Variants in PPP4C observed in about 807,000 individuals in gnomAD.
PPP4C encodes the protein serine/threonine-protein phosphatase 4 catalytic subunit.
Under a neutral mutation model 40.5 loss-of-function variants are expected in PPP4C, and 10 were observed. That is an observed-to-expected ratio of 0.25 (90% CI 0.15 to 0.42). The LOEUF (loss-of-function observed/expected upper bound fraction) is 0.42, where lower values mean the gene tolerates loss of function less well. Among genes scored for constraint, PPP4C ranks in the 10% least tolerant of loss-of-function variants. PPP4C has a pLI of 1.00. For missense variants in PPP4C, 191 were observed against 416.4 expected, an observed-to-expected ratio of 0.46 and a Z score of 4.71; for synonymous variants, 187 against 163.6, an observed-to-expected ratio of 1.14 and a Z score of -1.09.
intron 7 of PPP4C, 31 bp from the exon 8 acceptor site, chr16:30,084,635 A>C: frequency 6.3e-7 from 1 of 1,598,922 alleles, no homozygotes; most frequent in Non-Finnish European, 8.6e-7. Flanking sequence ...GCCTGAGGAC[A>C]TCCCTCTCCA....
At chr16:30,082,445 C>T (rs2072528363) in intron 3 of PPP4C, 39 bp from the exon 4 acceptor site, 1 of 1,586,914 alleles carries the variant, frequency 6.3e-7, no homozygotes, top group Non-Finnish European at 8.7e-7. Context: ...TGGCAACTCC[C>T]ACTGCTTGAG....
chr16:30,081,122 T>G, intron 2 of PPP4C, 137 bp from the exon 3 acceptor site: 2 of 1,235,774 alleles, frequency 1.6e-6, no homozygotes, highest in Non-Finnish European at 2.3e-6. Flanking sequence ...TCAGCCTGTT[T>G]TGGGGAGACT....
chr16:30,083,853 C>T lies in PPP4C; in HGVS notation c.604+72C>T. 6.3e-7 allele frequency: 1 copy of T among 1,584,056 alleles called. No individual in the cohort carries two copies. Among genetic ancestry groups the T allele is most frequent in the South Asian group, 1.1e-5 (1 of 89,922 alleles). On this transcript the variant is annotated intron_variant, in intron 7 of 8. Transcript: ENST00000279387. This position sits in a 1 kb window ranked among gnomAD's most constrained non-coding sequence, Gnocchi z 6.3. ...GGGAAAGAGAGGGAGCAGGGCTGGT[C>T]TTCACTGTCACTCGTCCTCCACCTG...
At chr16:30,077,180 G>T (rs1445368489) in intron 2 of PPP4C, among the ~76,000 whole-genome samples, 2 of 152,176 alleles carry the variant, frequency 1.3e-5, no homozygotes, top group Admixed American at 1.3e-4. Context: ...GTGTGAGATG[G>T]CTCTAGGTTT....
chr16:30,082,581 A>G, intron 4 of PPP4C, 47 bp downstream of exon 4: 1 of 1,595,276 alleles, frequency 6.3e-7, no homozygotes, highest in Non-Finnish European at 8.6e-7. Flanking sequence ...GGATGACTGG[A>G]AGACCCCTGT....
At chr16:30,084,577 AGG>A (rs1203693232) in intron 7 of PPP4C, 87 bp from the exon 8 acceptor site, 8 of 1,236,022 alleles carry the variant, frequency 6.5e-6, no homozygotes, top group Admixed American at 3.8e-5. Flanking sequence ...GGACTTGGGG[AGG>A]GGCCAGGCTG....
In PPP4C at chr16:30,083,341, G is replaced by T; in HGVS notation, c.304-53G>T. The T allele has an allele frequency of 6.4e-7, 1 of 1,570,396 alleles. No homozygotes were observed. Among genetic ancestry groups the T allele is most frequent in the South Asian group, 1.1e-5 (1 of 87,542 alleles). On this transcript the variant is annotated intron_variant, in intron 5 of 8. Transcript: ENST00000279387. This position sits in a 1 kb window ranked among gnomAD's most constrained non-coding sequence, Gnocchi z 6.3. ...GGCGGGCACGAGGAGGTCAGAGAGG[G>T]ATGTGTGGAGAGACCGTCTAGGCGC...
rs370938049 is a variant in PPP4C, at chr16:30,079,783, G to C, written c.99-1476G>C. ...CTAAGGGAAGAGATTGGCAGAAAGAGGGGGGCCAGGCGAGTTGGGCCTCCC... is the reference window on the plus strand; with the variant it reads ...CTAAGGGAAGAGATTGGCAGAAAGACGGGGGCCAGGCGAGTTGGGCCTCCC... On this transcript the variant is annotated intron_variant, in intron 2 of 8. Transcript: ENST00000279387. Among the ~76,000 whole-genome samples, 27 of 152,280 alleles carry C rather than the reference G, an allele frequency of 1.8e-4. No individual in the cohort carries two copies. In the East Asian group the frequency reaches 2.1e-3, roughly 12 times the overall value.
chr16:30,077,645 A>G (rs1271589962), intron 2 of PPP4C, among the ~76,000 whole-genome samples: 1 of 152,244 alleles, frequency 6.6e-6, no homozygotes, highest in African/African-American at 2.4e-5. Flanking sequence ...GAATTACCCT[A>G]CGTTTATTGA....
chr16:30,076,605 C>A, intron 2 of PPP4C, 130 bp downstream of exon 2: 1 of 883,584 alleles, frequency 1.1e-6, no homozygotes, highest in Non-Finnish European at 1.8e-6. Context: ...AGGATGGAGC[C>A]GCTGCCCTCG....
chr16:30,077,897 T>C (rs1462901927), intron 2 of PPP4C, among the ~76,000 whole-genome samples: 1 of 152,184 alleles, frequency 6.6e-6, no homozygotes, highest in Non-Finnish European at 1.5e-5. Flanking sequence ...CTGCCTCACA[T>C]AGACTACCTG....
intron 2 of PPP4C, among the ~76,000 whole-genome samples, chr16:30,079,588 A>G (rs952098134): frequency 7.9e-5 from 12 of 152,322 alleles, no homozygotes; most frequent in African/African-American, 2.2e-4. Context: ...GTTCAGCACA[A>G]GAAGCAGTGC....
At chr16:30,076,588 G>C (rs1596825625) in intron 2 of PPP4C, 113 bp downstream of exon 2, 7 of 1,097,404 alleles carry the variant, frequency 6.4e-6, no homozygotes, top group Non-Finnish European at 1.3e-6. Context: ...CTTTCCCAGA[G>C]AGGAGCAGGA....
chr16:30,085,109 CTG>C lies in PPP4C; in HGVS notation c.*50_*51del. The C allele has an allele frequency of 6.3e-7, 1 of 1,597,548 alleles. No individual in the cohort carries two copies. The highest frequency in any genetic ancestry group is 8.5e-7 in the Non-Finnish European group (1 of 1,169,790). ...TCCAACCCTTCTGGCCCTCGCACCA[CTG>C]TGACTCTGCCATCTTCCTCAGACGG... is the stretch of plus-strand genomic sequence containing the variant. On this transcript the variant is annotated 3_prime_UTR_variant, in exon 9 of 9. Transcript: ENST00000279387.
rs374401967 is a variant in PPP4C at position 30,084,867 on chromosome 16, G to A, written c.794+12G>A. The stretch of plus-strand genomic sequence containing the variant: ...AACTACTGCTACCGGTGAGCCGGCT[G>A]GGCCGGGCTGGGATGGGCGGGCATC... On this transcript the variant is annotated intron_variant, in intron 8 of 8. Coordinates refer to ENST00000279387, the MANE Select transcript of PPP4C (RefSeq NM_002720.3). The A allele has an allele frequency of 1.2e-6, 2 of 1,613,842 alleles. No individual in the cohort carries two copies. Among genetic ancestry groups the A allele is most frequent in the African/African-American group, 2.7e-5 (2 of 74,942 alleles).
At position 30,083,143 on chromosome 16, in the gene PPP4C, C is replaced by T. The variant is rs377116949; in HGVS notation, c.304-251C>T. 1.5e-5 allele frequency: 9 copies of T among 596,260 alleles called. No individual in the cohort carries two copies. The highest frequency in any genetic ancestry group is 4.5e-4 in the Middle Eastern group (1 of 2,238). The allele number at this position is 596,260 out of a possible 1,614,324, so 36.9% of individuals were successfully genotyped here. Reference sequence around the variant, plus strand: ...AAGGGCCTGGGTGCCTTGCTAGGGACCCGGTCTGTGTCTGGTAGGTGAAAG... The same window carrying T: ...AAGGGCCTGGGTGCCTTGCTAGGGATCCGGTCTGTGTCTGGTAGGTGAAAG... On this transcript the variant is annotated intron_variant, in intron 5 of 8. Coordinates refer to ENST00000279387, the MANE Select transcript of PPP4C (RefSeq NM_002720.3). This position sits in a 1 kb window ranked among gnomAD's most constrained non-coding sequence, Gnocchi z 6.3.
Position 30,085,359 on chromosome 16 carries a change from T to G in PPP4C, c.*297T>G, listed in dbSNP as rs2072604097. ...GAGAAAAAAAATGAAAAAATTCTAA[T>G]AAAAGAAGAAAAATGGTTTTTGGGT... On this transcript the variant is annotated 3_prime_UTR_variant, in exon 9 of 9. Coordinates refer to ENST00000279387, the MANE Select transcript of PPP4C (RefSeq NM_002720.3). 6.9e-6 allele frequency: 2 copies of G among 289,286 alleles called. No individual in the cohort carries two copies. Among genetic ancestry groups the G allele is most frequent in the South Asian group, 1.6e-4 (2 of 12,742 alleles). The allele number at this position is 289,286 out of a possible 1,614,324, so 17.9% of individuals were successfully genotyped here.
intron 3 of PPP4C, among the ~76,000 whole-genome samples, chr16:30,082,281 C>G (rs1328487647): frequency 6.6e-6 from 1 of 152,130 alleles, no homozygotes; most frequent in Non-Finnish European, 1.5e-5. Flanking sequence ...TAGCTCTTGC[C>G]TACAGAATAG....
intron 2 of PPP4C, 124 bp downstream of exon 2, chr16:30,076,599 T>G (rs2072404355): frequency 1.1e-5 from 10 of 932,118 alleles, no homozygotes. Flanking sequence ...AGGAGCAGGA[T>G]GGAGCCGCTG....
Sources: gnomAD v4.1 joint callset for allele counts (sites outside exome capture counted in the v4.1 genomes callset) on GRCh38, gnomAD v4.1.1 for gene constraint, Gnocchi (gnomAD v3.1) non-coding constraint, MANE v1.5 for transcripts, NCBI Gene and HGNC (gene_info 2026-07-23, HGNC 2026-07-21) for gene names.